The following TENM3 variants were observed in gnomAD, a reference collection of about 807,000 sequenced individuals.
TENM3 encodes teneurin transmembrane protein 3.
A neutral mutation model predicts 255.1 loss-of-function variants in TENM3; 63 were observed. The ratio of observed to expected loss-of-function variants is 0.25; its 90% confidence interval spans 0.20 to 0.30. The LOEUF is 0.30. Among genes scored for constraint, TENM3 ranks in the 10% least tolerant of loss-of-function variants. TENM3 has a pLI of 1.00. For synonymous variants in TENM3, 1,306 were observed against 1,322.3 expected (o/e 0.99, Z 0.27); for missense variants, 2,929 against 3,461.1 (o/e 0.85, Z 3.86).
chr4:181,454,363 G>A, the TENM3 span, among the ~76,000 whole-genome samples: 16 of 152,094 alleles, frequency 1.1e-4, no homozygotes, highest in African/African-American at 3.9e-4. Flanking sequence ...ATGTTATAAT[G>A]GAACTGAAAA....
the TENM3 span, among the ~76,000 whole-genome samples, chr4:181,732,528 A>G: frequency 2.0e-5 from 3 of 152,208 alleles, no homozygotes; most frequent in Admixed American, 6.5e-5. Context: ...TACCTTTTTC[A>G]TAAATCAGGT....
chr4:182,777,774 T>A (rs1433416614), intron 24 of TENM3, among the ~76,000 whole-genome samples: 3 of 150,292 alleles, frequency 2.0e-5, no homozygotes, highest in Non-Finnish European at 1.5e-5. Context: ...GCCAGGCTGG[T>A]CTTGAACTCG....
the TENM3 span, among the ~76,000 whole-genome samples, chr4:182,120,221 T>C: frequency 4.2e-4 from 64 of 152,264 alleles, no homozygotes; most frequent in African/African-American, 1.5e-3. Context: ...TTCCTTACCA[T>C]TGTGTTACAA....
At chr4:182,261,202 A>T (rs1017165584) in intron 1 of TENM3, among the ~76,000 whole-genome samples, 1 of 152,198 alleles carries the variant, frequency 6.6e-6, no homozygotes, top group African/African-American at 2.4e-5. Context: ...ATAGTCACTC[A>T]TCCATTCAAC....
At chr4:181,755,111 G>T in the TENM3 span, among the ~76,000 whole-genome samples, 1 of 152,124 alleles carries the variant, frequency 6.6e-6, no homozygotes, top group Non-Finnish European at 1.5e-5. Flanking sequence ...GTAAATTAAA[G>T]TGGTGAAGTC....
intron 3 of TENM3, among the ~76,000 whole-genome samples, chr4:182,366,895 C>T (rs1279659044): frequency 6.6e-6 from 1 of 152,064 alleles, no homozygotes; most frequent in Non-Finnish European, 1.5e-5. Flanking sequence ...GTTAATCCTG[C>T]AGAAAGTCAG....
At chr4:182,532,079 C>T (rs1739836190) in intron 3 of TENM3, among the ~76,000 whole-genome samples, 1 of 152,196 alleles carries the variant, frequency 6.6e-6, no homozygotes, top group South Asian at 2.1e-4. Context: ...CAGAATTTCT[C>T]TGGAATGGGC....
At chr4:181,992,321 C>A in the TENM3 span, among the ~76,000 whole-genome samples, 2 of 152,078 alleles carry the variant, frequency 1.3e-5, no homozygotes, top group Admixed American at 1.3e-4. Flanking sequence ...ATAATGGATG[C>A]GTTCTCTCAT....
intron 3 of TENM3, among the ~76,000 whole-genome samples, chr4:182,594,439 C>T (rs910453773): frequency 3.9e-5 from 6 of 152,114 alleles, no homozygotes; most frequent in African/African-American, 1.4e-4. Flanking sequence ...GCAGGAGGAC[C>T]AGTTGAGCCC....
At chr4:182,606,828 G>C (rs1217276341) in intron 4 of TENM3, among the ~76,000 whole-genome samples, 1 of 152,170 alleles carries the variant, frequency 6.6e-6, no homozygotes, top group African/African-American at 2.4e-5. Context: ...TGTGAAAGAA[G>C]GTTCTAGACC....
At chr4:181,707,011 A>G in the TENM3 span, among the ~76,000 whole-genome samples, 2 of 152,170 alleles carry the variant, frequency 1.3e-5, no homozygotes, top group African/African-American at 4.8e-5. Flanking sequence ...TTCATCTTCC[A>G]CAAGAGAGAA....
chr4:182,198,751 G>A (rs1447601481), intron 1 of TENM3, among the ~76,000 whole-genome samples: 2 of 152,164 alleles, frequency 1.3e-5, no homozygotes, highest in African/African-American at 4.8e-5. Context: ...CAGAGAGACT[G>A]AAGACCCGAT....
At chr4:182,070,234 T>C in the TENM3 span, among the ~76,000 whole-genome samples, 1 of 152,216 alleles carries the variant, frequency 6.6e-6, no homozygotes, top group Non-Finnish European at 1.5e-5. Flanking sequence ...AAGTGCTTTA[T>C]GCATAGAAAA....
intron 3 of TENM3, among the ~76,000 whole-genome samples, chr4:182,417,456 A>G (rs182725836): frequency 7.7e-4 from 117 of 152,322 alleles, no homozygotes; most frequent in Non-Finnish European, 1.1e-3. Flanking sequence ...TGTGAATGGT[A>G]TATCCTTGTA....
intron 24 of TENM3, among the ~76,000 whole-genome samples, chr4:182,779,520 C>G (rs1035533006): frequency 1.3e-5 from 2 of 152,124 alleles, no homozygotes; most frequent in African/African-American, 4.8e-5. Flanking sequence ...AATAAACATA[C>G]GTGTGCATGT....
intron 12 of TENM3, among the ~76,000 whole-genome samples, chr4:182,699,210 C>CCCACTGGAAGGT (rs1757659925): frequency 6.6e-6 from 1 of 152,034 alleles, no homozygotes; most frequent in African/African-American, 2.4e-5. Context: ...CACTGGAAGG[C>CCCACTGGAAGGT]GGGCCCACTG....
chr4:181,879,483 C>T, the TENM3 span, among the ~76,000 whole-genome samples: 9 of 152,254 alleles, frequency 5.9e-5, no homozygotes, highest in African/African-American at 2.2e-4. Flanking sequence ...GTAGAACTGA[C>T]AGAAGCAGTG....
At chr4:181,935,422 T>G in the TENM3 span, among the ~76,000 whole-genome samples, 1 of 152,238 alleles carries the variant, frequency 6.6e-6, no homozygotes, top group African/African-American at 2.4e-5. Context: ...TTGCAGAAAC[T>G]CTCATTCCTC....
intron 3 of TENM3, among the ~76,000 whole-genome samples, chr4:182,441,356 C>A (rs1772469169): frequency 6.6e-6 from 1 of 152,094 alleles, no homozygotes; most frequent in Non-Finnish European, 1.5e-5. Context: ...AAAAAGAAAA[C>A]AATAATTACA....
Sources: allele counts gnomAD v4.1 joint callset (sites outside exome capture counted in the v4.1 genomes callset), GRCh38; gene constraint gnomAD v4.1.1; transcripts MANE v1.5; gene names NCBI Gene and HGNC (gene_info 2026-07-23, HGNC 2026-07-21).